PLAC8L1: variants seen among roughly 807,000 people sequenced by gnomAD.
PLAC8L1 encodes the protein PLAC8-like protein 1.
A neutral mutation model predicts 16.3 loss-of-function variants in PLAC8L1; 13 were observed. The observed-to-expected ratio is 0.80, with a 90% CI of 0.52 to 1.27. The LOEUF is 1.27. PLAC8L1 is among the 50% of genes most tolerant of loss of function. PLAC8L1 has a pLI of 0.00. For missense variants in PLAC8L1, 184 were observed against 220.2 expected, an observed-to-expected ratio of 0.84 and a Z score of 1.04; for synonymous variants, 78 against 79.3, an observed-to-expected ratio of 0.98 and a Z score of 0.09.
intron 1 of PLAC8L1, among the ~76,000 whole-genome samples, chr5:146,101,841 T>C (rs1370679642): frequency 3.3e-5 from 5 of 152,220 alleles, no homozygotes; most frequent in Admixed American, 1.3e-4. Flanking sequence ...ATCATTAGGC[T>C]AAGAGCTTCA....
rs569281650 is a variant in PLAC8L1 at position 146,105,097 on chromosome 5, A to G, written c.-786T>C. 3.9e-5 allele frequency among the ~76,000 whole-genome samples: 6 copies of G among 152,314 alleles called. No homozygotes were observed. The East Asian group carries it at 1.2e-3, about 29-fold the overall frequency. On this transcript the variant is annotated 5_prime_UTR_variant, in exon 1 of 4. Coordinates refer to ENST00000311450, the MANE Select transcript of PLAC8L1 (RefSeq NM_001029869.3). ...TGTCTTATGGAGGTGTGGACCCTAG[A>G]AATATTAGGAAATATCCTAAGACAA...
intron 1 of PLAC8L1, 22 bp from the exon 2 acceptor site, chr5:146,098,314 T>C (rs772710749): frequency 7.5e-6 from 12 of 1,608,452 alleles, no homozygotes; most frequent in Non-Finnish European, 1.0e-5. Flanking sequence ...AGGATGATGA[T>C]TAACTTGGAA....
In PLAC8L1 at chr5:146,085,536, C is replaced by G; in HGVS notation, c.318G>C (p.Glu106Asp). ...LECDIARHYGECLCWPLLPGS... is the reference protein window; with the variant it reads ...LECDIARHYGDCLCWPLLPGS... ...CAGGTAACAACGGCCAACAAAGACACTCTCCATAATGCCTGGCGATGTCAC... is the reference window on the plus strand; with the variant it reads ...CAGGTAACAACGGCCAACAAAGACAGTCTCCATAATGCCTGGCGATGTCAC... Residue 106 changes from glutamate to aspartate, a missense_variant, in exon 3 of 4, where the codon GAG (glutamate) becomes GAC (aspartate). By Grantham distance (45) the Glu-to-Asp change is conservative (BLOSUM62 2). Transcript: ENST00000311450. 2 of 1,614,166 alleles carry G rather than the reference C, an allele frequency of 1.2e-6. No homozygotes were observed. Among genetic ancestry groups the G allele is most frequent in the Non-Finnish European group, 1.7e-6 (2 of 1,180,038 alleles).
intron 2 of PLAC8L1, among the ~76,000 whole-genome samples, chr5:146,093,864 T>C (rs530180860): frequency 3.3e-5 from 5 of 152,318 alleles, no homozygotes; most frequent in Admixed American, 6.5e-5. Context: ...GTCTCTTTAC[T>C]GCCTGGTGCT....
chr5:146,102,021 T>G (rs574891660), intron 1 of PLAC8L1, among the ~76,000 whole-genome samples: 7 of 151,580 alleles, frequency 4.6e-5, no homozygotes, highest in African/African-American at 1.7e-4. Flanking sequence ...AAAGAAAATG[T>G]TTTTTTTCTG....
chr5:146,103,686 T>A (rs1243820852), intron 1 of PLAC8L1: 1 of 985,216 alleles, frequency 1.0e-6, no homozygotes, highest in East Asian at 1.1e-4. Flanking sequence ...AGATACATAC[T>A]TTTCCCTCTT....
At position 146,104,506 on chromosome 5, in the gene PLAC8L1, A is replaced by G. The variant is rs1763877001; in HGVS notation, c.-195T>C. Reference sequence around the variant, plus strand: ...AAAACAGGTATACACCTAACTGTGGACACATTCATCTTACTAATCTGTAGG... The same window carrying G: ...AAAACAGGTATACACCTAACTGTGGGCACATTCATCTTACTAATCTGTAGG... On this transcript the variant is annotated 5_prime_UTR_variant, in exon 1 of 4. Transcript: ENST00000311450. 2 of 500,096 alleles carry G rather than the reference A, an allele frequency of 4.0e-6. No homozygotes were observed. Among genetic ancestry groups the G allele is most frequent in the East Asian group, 7.6e-5 (2 of 26,410 alleles). The allele number at this position is 500,096 out of a possible 1,614,324, so 31.0% of individuals were successfully genotyped here.
intron 2 of PLAC8L1, among the ~76,000 whole-genome samples, chr5:146,090,254 C>T (rs1186873258): frequency 2.0e-5 from 3 of 152,082 alleles, no homozygotes; most frequent in Non-Finnish European, 4.4e-5. Flanking sequence ...GAACTCTTGG[C>T]CGGGCACAGT....
rs1271571740 is a variant in PLAC8L1, at chr5:146,098,145, GA to G, written c.256+10del. 1.2e-6 allele frequency: 2 copies of G among 1,605,564 alleles called. No homozygotes were observed. Among genetic ancestry groups the G allele is most frequent in the South Asian group, 2.2e-5 (2 of 90,016 alleles). On this transcript the variant is annotated intron_variant, in intron 2 of 3. Transcript: ENST00000311450. ...AGTAAGGAGGAACTTAAATAAGGAG[GA>G]AAAACTTACAAATTCTCCTATCTCT...
In PLAC8L1 at chr5:146,085,572, CAT is replaced by C; in HGVS notation, c.280_281del (p.Met94ValfsTer3). The C allele has an allele frequency of 6.2e-7, 1 of 1,614,138 alleles. No homozygotes were observed. Among genetic ancestry groups the C allele is most frequent in the African/African-American group, 1.3e-5 (1 of 75,046 alleles). ...GCCTGGCGATGTCACACTCAAGACA[CAT>C]AGGACAGAATAGACCACAGAAACCT... Reference protein sequence around the residue: ...RICFCGLFCPMCLECDIARHY... With the variant: ...RICFCGLFCPXCLECDIARHY... On this transcript the variant is annotated frameshift_variant, in exon 3 of 4. Coordinates refer to ENST00000311450, the MANE Select transcript of PLAC8L1 (RefSeq NM_001029869.3). LOFTEE classifies it high-confidence loss of function.
intron 2 of PLAC8L1, 99 bp from the exon 3 acceptor site, chr5:146,085,696 C>T: frequency 7.9e-7 from 1 of 1,263,638 alleles, no homozygotes; most frequent in Non-Finnish European, 1.1e-6. Context: ...CAGTTTAATG[C>T]TGCACTGTCT....
intron 2 of PLAC8L1, among the ~76,000 whole-genome samples, chr5:146,095,660 C>G (rs1763706136): frequency 6.6e-6 from 1 of 152,098 alleles, no homozygotes; most frequent in Non-Finnish European, 1.5e-5. Context: ...GGTAACTGCA[C>G]CCCAATAGTA....
At chr5:146,084,923 G>A (rs1561781260) in intron 3 of PLAC8L1, among the ~76,000 whole-genome samples, 1 of 152,206 alleles carries the variant, frequency 6.6e-6, no homozygotes, top group Non-Finnish European at 1.5e-5. Flanking sequence ...TTCAGTGTAA[G>A]AAGGGATAGG....
rs533161819 is a variant in PLAC8L1 at position 146,090,362 on chromosome 5, C to T, written c.257-4765G>A. 6.6e-5 allele frequency among the ~76,000 whole-genome samples: 10 copies of T among 151,890 alleles called. No homozygotes were observed. The South Asian group carries it at 8.4e-4, about 13-fold the overall frequency. On this transcript the variant is annotated intron_variant, in intron 2 of 3. Transcript: ENST00000311450. ...CAGCCTGGCCAACATGATGAAACCCCATCTCCACAAAAAATACAAAAATTA... is the reference window on the plus strand; with the variant it reads ...CAGCCTGGCCAACATGATGAAACCCTATCTCCACAAAAAATACAAAAATTA...
intron 2 of PLAC8L1, 69 bp downstream of exon 2, chr5:146,098,087 T>A (rs1763744989): frequency 6.6e-7 from 1 of 1,519,268 alleles, no homozygotes; most frequent in Non-Finnish European, 9.0e-7. Flanking sequence ...CTGCTGTAGG[T>A]TTTCCACTCA....
intron 2 of PLAC8L1, 124 bp downstream of exon 2, chr5:146,098,032 G>A: frequency 8.6e-7 from 1 of 1,159,912 alleles, no homozygotes; most frequent in Admixed American, 2.6e-5. Flanking sequence ...GTCACTGAAA[G>A]ATTAGTCCAG....
Position 146,104,487 on chromosome 5 carries a change from G to T in PLAC8L1, c.-176C>A. The T allele has an allele frequency of 1.8e-6, 1 of 556,024 alleles. No individual in the cohort carries two copies. Among genetic ancestry groups the T allele is most frequent in the Non-Finnish European group, 3.2e-6 (1 of 307,726 alleles). The allele number at this position is 556,024 out of a possible 1,614,324, so 34.4% of individuals were successfully genotyped here. On this transcript the variant is annotated 5_prime_UTR_variant, in exon 1 of 4. In the 5' UTR this introduces an upstream ATG that the reference lacks. Transcript: ENST00000311450. ...CAGACATCTTTTTTCTTTAAAAACAGGTATACACCTAACTGTGGACACATT... is the reference window on the plus strand; with the variant it reads ...CAGACATCTTTTTTCTTTAAAAACATGTATACACCTAACTGTGGACACATT...
In PLAC8L1 at chr5:146,105,008, A is replaced by AT. The variant is rs1763887774; in HGVS notation, c.-698dup. On this transcript the variant is annotated 5_prime_UTR_variant, in exon 1 of 4. It removes the in-frame stop codon of an upstream open reading frame in the 5' UTR. Transcript: ENST00000311450. ...TAACTGAAGCAAGGCTTGCCTGGTG[A>AT]TGTCCTCACAACAGCTCTGAATCCT... Among the ~76,000 whole-genome samples the AT allele has an allele frequency of 6.6e-6, 1 of 152,192 alleles. No individual in the cohort carries two copies. The highest frequency in any genetic ancestry group is 1.5e-5 in the Non-Finnish European group (1 of 68,040).
intron 1 of PLAC8L1, among the ~76,000 whole-genome samples, chr5:146,102,681 T>A (rs1763840281): frequency 6.6e-6 from 1 of 152,196 alleles, no homozygotes; most frequent in African/African-American, 2.4e-5. Context: ...CATTTACCTA[T>A]CAAATTCCAT....
Sources: allele counts gnomAD v4.1 joint callset (sites outside exome capture counted in the v4.1 genomes callset), GRCh38; gene constraint gnomAD v4.1.1; transcripts MANE v1.5; gene names NCBI Gene and HGNC (gene_info 2026-07-23, HGNC 2026-07-21).